The following CNBD1 variants were observed in gnomAD, a reference collection of about 807,000 sequenced individuals.
The protein encoded by CNBD1 is cyclic nucleotide-binding domain-containing protein 1.
A neutral mutation model predicts 54.4 loss-of-function variants in CNBD1; 71 were observed. The ratio of observed to expected loss-of-function variants is 1.30; its 90% CI spans 1.08 to 1.59. The LOEUF is 1.59. CNBD1 is among the 40% of genes most tolerant of loss of function. CNBD1 has a pLI of 0.00. For missense variants in CNBD1, 659 were observed against 518.0 expected (o/e 1.27, Z -2.64); for synonymous variants, 182 against 170.7 (o/e 1.07, Z -0.51).
At chr8:87,242,101 C>T (rs1807718811) in intron 6 of CNBD1, among the ~76,000 whole-genome samples, 1 of 152,134 alleles carries the variant, frequency 6.6e-6, no homozygotes, top group South Asian at 2.1e-4. Context: ...AATGTTAAAA[C>T]AGAGACCTTA....
At chr8:87,308,689 T>C (rs1038223332) in intron 8 of CNBD1, among the ~76,000 whole-genome samples, 1 of 152,132 alleles carries the variant, frequency 6.6e-6, no homozygotes, top group Non-Finnish European at 1.5e-5. Context: ...CTAGAATTTG[T>C]TCCTTTTATG....
At position 87,423,011 on chromosome 8, in the gene CNBD1, T is replaced by C. The variant is rs1053497370; in HGVS notation, c.214-5535T>C. Among the ~76,000 whole-genome samples the C allele has an allele frequency of 2.8e-3, 430 of 151,996 alleles. 5 individuals carry two copies. The highest frequency in any genetic ancestry group is 9.3e-3 in the African/African-American group (386 of 41,320). ...TCACATCCCTTGTAAGTTGGATTCC[T>C]AGGTATTTTATTCTCTTTGAAGCAA... On this transcript the variant is annotated intron_variant, in intron 2 of 7. Coordinates refer to the CNBD1 transcript ENST00000521593.
chr8:87,425,809 G>T (rs1352787282), intron 2 of CNBD1, among the ~76,000 whole-genome samples: 4 of 152,100 alleles, frequency 2.6e-5, no homozygotes, highest in East Asian at 1.9e-4. Context: ...GGAGCCTACA[G>T]AGGCAGGCAG....
At chr8:86,947,173 T>G (rs1412400122) in intron 4 of CNBD1, among the ~76,000 whole-genome samples, 8 of 152,128 alleles carry the variant, frequency 5.3e-5, no homozygotes, top group Non-Finnish European at 7.4e-5. Flanking sequence ...ACCTGGAACA[T>G]AATTCCTTAT....
chr8:87,235,858 C>T (rs1051282327), intron 5 of CNBD1, among the ~76,000 whole-genome samples: 1 of 151,968 alleles, frequency 6.6e-6, no homozygotes, highest in East Asian at 1.9e-4. Flanking sequence ...CACAGTAAAA[C>T]AAGATATGCT....
Position 87,327,731 on chromosome 8 carries a change from C to A in CNBD1, c.1043-23954C>A, listed in dbSNP as rs193143822. ...ACTTCCTAGTGAGATGAACCCGGTA[C>A]CTCAGATGGAAATGCAGAAATCACC... On this transcript the variant is annotated intron_variant, in intron 8 of 10. Coordinates refer to ENST00000518476, the MANE Select transcript of CNBD1 (RefSeq NM_173538.3). Among the ~76,000 whole-genome samples, 23 of 152,246 alleles carry A rather than the reference C, an allele frequency of 1.5e-4. 1 individual carries two copies. In the East Asian group the frequency reaches 4.5e-3, roughly 30 times the overall value.
chr8:87,401,164 C>G (rs1807557058), intron 2 of CNBD1, among the ~76,000 whole-genome samples: 1 of 151,940 alleles, frequency 6.6e-6, no homozygotes, highest in African/African-American at 2.4e-5. Flanking sequence ...TTCTAGCCAA[C>G]CAAATAAACC....
At chr8:86,875,844 C>T (rs564300709) in intron 1 of CNBD1, among the ~76,000 whole-genome samples, 1 of 152,208 alleles carries the variant, frequency 6.6e-6, no homozygotes, top group Admixed American at 6.5e-5. Flanking sequence ...AAAATTTCAA[C>T]TTATTGTGGA....
chr8:86,887,436 A>G (rs1319480755), intron 1 of CNBD1, 106 bp from the exon 2 acceptor site: 2 of 692,404 alleles, frequency 2.9e-6, no homozygotes, highest in Non-Finnish European at 5.0e-6. Flanking sequence ...TTCCATAGTC[A>G]CTGAATTCTT....
At chr8:86,931,560 G>A (rs904175564) in intron 3 of CNBD1, among the ~76,000 whole-genome samples, 9 of 152,062 alleles carry the variant, frequency 5.9e-5, no homozygotes, top group African/African-American at 2.2e-4. Context: ...TGTCTTTTCT[G>A]AACCACAAAG....
chr8:87,320,380 T>G (rs1200726009), intron 8 of CNBD1, among the ~76,000 whole-genome samples: 1 of 152,044 alleles, frequency 6.6e-6, no homozygotes, highest in Admixed American at 6.6e-5. Flanking sequence ...AAAAATAACT[T>G]AGATTTTCAA....
chr8:87,148,582 C>T (rs528842677), intron 4 of CNBD1, among the ~76,000 whole-genome samples: 25 of 152,190 alleles, frequency 1.6e-4, no homozygotes, highest in Admixed American at 5.2e-4. Flanking sequence ...TAGAAACAGG[C>T]ATAGACTAAC....
chr8:86,950,571 G>A (rs191051655), intron 4 of CNBD1, among the ~76,000 whole-genome samples: 9 of 152,188 alleles, frequency 5.9e-5, no homozygotes. Context: ...GATTTTCACA[G>A]CAGTGTTCAT....
intron 1 of CNBD1, among the ~76,000 whole-genome samples, chr8:86,872,705 C>T (rs1435776234): frequency 6.6e-6 from 1 of 151,894 alleles, no homozygotes; most frequent in East Asian, 1.9e-4. Flanking sequence ...TTTTGTTGGC[C>T]ATTCATGGGT....
At chr8:87,079,561 C>T (rs529870013) in intron 4 of CNBD1, among the ~76,000 whole-genome samples, 2 of 152,056 alleles carry the variant, frequency 1.3e-5, no homozygotes, top group Non-Finnish European at 2.9e-5. Flanking sequence ...GCAGTTCTCT[C>T]ATAATCCTTG....
intron 2 of CNBD1, among the ~76,000 whole-genome samples, chr8:87,399,605 G>T (rs1807510407): frequency 1.3e-5 from 2 of 151,952 alleles, no homozygotes; most frequent in Non-Finnish European, 2.9e-5. Context: ...AATGAGAGCA[G>T]GAGTGTTATT....
In CNBD1 at chr8:87,332,982, T is replaced by A. The variant is rs185888521; in HGVS notation, c.1043-18703T>A. On this transcript the variant is annotated intron_variant, in intron 8 of 10. Transcript: ENST00000518476. Reference sequence around the variant, plus strand: ...TTGGGCAGTATGGTCATTTTCATGATCTTGATTCTTCCCATCTATGAGGAT... The same window carrying A: ...TTGGGCAGTATGGTCATTTTCATGAACTTGATTCTTCCCATCTATGAGGAT... 1.2e-4 allele frequency among the ~76,000 whole-genome samples: 19 copies of A among 152,314 alleles called. 1 individual carries two copies. The East Asian group carries it at 3.7e-3, about 29-fold the overall frequency.
At chr8:87,190,974 A>T (rs888302630) in intron 4 of CNBD1, among the ~76,000 whole-genome samples, 1 of 138,646 alleles carries the variant, frequency 7.2e-6, no homozygotes, top group Non-Finnish European at 1.6e-5. Flanking sequence ...TGAAAGATAT[A>T]TATATGTATC....
intron 10 of CNBD1, among the ~76,000 whole-genome samples, chr8:87,379,904 C>A (rs367631813): frequency 2.0e-5 from 3 of 151,266 alleles, no homozygotes; most frequent in African/African-American, 4.9e-5. Flanking sequence ...GGAAAATACA[C>A]GAGAAATACT....
Sources: gnomAD v4.1 joint callset for allele counts (sites outside exome capture counted in the v4.1 genomes callset) on GRCh38, gnomAD v4.1.1 for gene constraint, MANE v1.5 for transcripts, NCBI Gene and HGNC (gene_info 2026-07-23, HGNC 2026-07-21) for gene names.